The following EPM2A variants were observed in gnomAD, a reference collection of about 807,000 sequenced individuals.
EPM2A encodes EPM2A glucan phosphatase, laforin, also known as laforin.
Under a neutral mutation model 26.5 loss-of-function variants are expected in EPM2A, and 21 were observed. The observed-to-expected ratio is 0.79, with a 90% confidence interval of 0.56 to 1.14. The LOEUF (loss-of-function observed/expected upper bound fraction) is 1.14. Ranked by LOEUF, EPM2A falls within the 50% of genes most tolerant of loss-of-function variation. The probability of loss-of-function intolerance (pLI) is 0.00; values close to 1 mark genes in which losing one functional copy is unlikely to be tolerated. For missense variants in EPM2A, 458 were observed against 440.8 expected (o/e 1.04, Z -0.35); for synonymous variants, 217 against 177.6 (o/e 1.22, Z -1.76).
chr6:145,665,049 C>T (rs1779065452), intron 2 of EPM2A, among the ~76,000 whole-genome samples: 2 of 88,880 alleles, frequency 2.3e-5, no homozygotes, highest in Non-Finnish European at 4.5e-5. Context: ...TAAATGCCCA[C>T]AAGAGAAAGC....
chr6:145,566,533 G>C (rs1234077671), intron 2 of EPM2A, among the ~76,000 whole-genome samples: 2 of 152,170 alleles, frequency 1.3e-5, no homozygotes, highest in Admixed American at 6.5e-5. Flanking sequence ...TCAATTGTCT[G>C]CTGACTGGTG....
chr6:145,583,342 T>C (rs1012285837), intron 2 of EPM2A, among the ~76,000 whole-genome samples: 1 of 152,200 alleles, frequency 6.6e-6, no homozygotes, highest in Admixed American at 6.5e-5. Flanking sequence ...TTCTTTTATC[T>C]TCTTTGATGC....
intron 2 of EPM2A, among the ~76,000 whole-genome samples, chr6:145,533,873 A>G (rs949907551): frequency 8.5e-5 from 13 of 152,174 alleles, no homozygotes; most frequent in Admixed American, 6.5e-5. Flanking sequence ...TCTCTAAAAC[A>G]TAAGATTCAG....
At chr6:145,703,240 C>T (rs576129849) in intron 1 of EPM2A, among the ~76,000 whole-genome samples, 3 of 151,982 alleles carry the variant, frequency 2.0e-5, no homozygotes, top group South Asian at 2.1e-4. Flanking sequence ...TACAGGCGTC[C>T]GCCACCACGC....
At chr6:145,488,516 T>TGAGA (rs1216389057) in intron 4 of EPM2A, among the ~76,000 whole-genome samples, 256 of 131,710 alleles carry the variant, frequency 1.9e-3, no homozygotes, top group African/African-American at 8.1e-3. Context: ...TGTGTGTGTG[T>TGAGA]GTGTGTGAGA....
chr6:145,680,018 T>G (rs1780383968), intron 2 of EPM2A: 1 of 152,222 alleles, frequency 6.6e-6, no homozygotes, highest in South Asian at 2.1e-4. Context: ...AGTTGTAAAG[T>G]CAATAGATAA....
chr6:145,477,920 G>A (rs898153745), intron 4 of EPM2A, among the ~76,000 whole-genome samples: 8 of 151,810 alleles, frequency 5.3e-5, no homozygotes, highest in Non-Finnish European at 1.2e-4. Context: ...AGTACTCTAA[G>A]TCCTATCTAG....
Position 145,617,598 on chromosome 6 carries a change from A to T in EPM2A, c.340+17647T>A, listed in dbSNP as rs1400659159. ...CCCATTCATTGACTTACAGGAAACT[A>T]AAGTTCTCATTTAATATTTTCTTCA... On this transcript the variant is annotated intron_variant, in intron 2 of 3. Coordinates refer to the EPM2A transcript ENST00000450221. Among the ~76,000 whole-genome samples the T allele has an allele frequency of 2.0e-5, 3 of 152,342 alleles. No individual in the cohort carries two copies. In the South Asian group the frequency reaches 6.2e-4, roughly 32 times the overall value.
At chr6:145,425,172 C>G (rs966801358) in intron 4 of EPM2A, among the ~76,000 whole-genome samples, 6 of 59,622 alleles carry the variant, frequency 1.0e-4, no homozygotes, top group Non-Finnish European at 2.3e-4. Flanking sequence ...CCTTCCGTCT[C>G]TCACTCTCTC....
intron 2 of EPM2A, among the ~76,000 whole-genome samples, chr6:145,565,117 A>T (rs900536488): frequency 1.3e-5 from 2 of 152,120 alleles, no homozygotes; most frequent in Non-Finnish European, 2.9e-5. Context: ...GCAGCCTTCC[A>T]TCTGCTTTGT....
intron 2 of EPM2A, among the ~76,000 whole-genome samples, chr6:145,531,604 G>A (rs979294759): frequency 6.6e-6 from 1 of 152,090 alleles, no homozygotes; most frequent in Non-Finnish European, 1.5e-5. Flanking sequence ...GTGTCCACAC[G>A]CCCTCAGATC....
At chr6:145,565,044 G>A (rs1348060410) in intron 2 of EPM2A, among the ~76,000 whole-genome samples, 1 of 152,114 alleles carries the variant, frequency 6.6e-6, no homozygotes, top group Admixed American at 6.6e-5. Context: ...TACAGCTCAT[G>A]GGTGACTCTG....
chr6:145,490,850 C>T (rs1171115314), intron 4 of EPM2A: 2 of 651,746 alleles, frequency 3.1e-6, no homozygotes, highest in Admixed American at 1.9e-5. Context: ...TTTAATCTGC[C>T]CTTTTCTGTC....
intron 4 of EPM2A, among the ~76,000 whole-genome samples, chr6:145,388,857 G>C (rs1562316376): frequency 6.6e-6 from 1 of 152,060 alleles, no homozygotes; most frequent in Non-Finnish European, 1.5e-5. Context: ...CCTTTTTTAT[G>C]GTCGCATGGT....
At chr6:145,479,899 C>CA (rs1246817123) in intron 4 of EPM2A, among the ~76,000 whole-genome samples, 2 of 152,052 alleles carry the variant, frequency 1.3e-5, no homozygotes, top group Non-Finnish European at 2.9e-5. Context: ...TCAATTCCTC[C>CA]ACATCCTTGC....
intron 4 of EPM2A, among the ~76,000 whole-genome samples, chr6:145,446,378 A>T (rs926261602): frequency 1.4e-5 from 2 of 142,666 alleles, no homozygotes; most frequent in African/African-American, 4.9e-5. Context: ...TAACTAGATC[A>T]TCAGTGGGCC....
intron 1 of EPM2A, among the ~76,000 whole-genome samples, chr6:145,714,475 AT>A (rs1310919269): frequency 1.4e-4 from 22 of 152,348 alleles, no homozygotes; most frequent in African/African-American, 5.3e-4. Flanking sequence ...TTCTCAATAA[AT>A]ACCACAAACA....
chr6:145,731,759 T>C (rs916361636), intron 1 of EPM2A, among the ~76,000 whole-genome samples: 2 of 151,902 alleles, frequency 1.3e-5, no homozygotes, highest in Admixed American at 6.6e-5. Flanking sequence ...AAGAAATTTT[T>C]TTAATGAACA....
At chr6:145,697,085 C>A (rs1202551913) in intron 1 of EPM2A, among the ~76,000 whole-genome samples, 1 of 151,932 alleles carries the variant, frequency 6.6e-6, no homozygotes, top group African/African-American at 2.4e-5. Context: ...GAAATTCAGC[C>A]AGATATTGGG....
Sources: gnomAD v4.1 joint callset for allele counts (sites outside exome capture counted in the v4.1 genomes callset) on GRCh38, gnomAD v4.1.1 for gene constraint, MANE v1.5 for transcripts, NCBI Gene and HGNC (gene_info 2026-07-23, HGNC 2026-07-21) for gene names.